The following ZNF723 variants were observed in gnomAD, a reference collection of about 807,000 sequenced individuals.
The protein encoded by ZNF723 is zinc finger protein 723, pseudogene.
A neutral mutation model predicts 9.4 loss-of-function variants in ZNF723; 5 were observed. That is an observed-to-expected ratio of 0.53 (90% CI 0.28 to 1.12). The LOEUF (loss-of-function observed/expected upper bound fraction) is 1.12, where lower values mean the gene tolerates loss of function less well. Among genes scored for constraint, ZNF723 ranks in the 50% most tolerant of loss-of-function variants. The pLI is 0.10. For missense variants in ZNF723, 450 were observed against 501.5 expected (o/e 0.90, Z 0.98); for synonymous variants, 158 against 168.8 (o/e 0.94, Z 0.49).
chr19:22,841,090 A>G (rs1365374836), intron 1 of ZNF723, among the ~76,000 whole-genome samples: 8 of 150,284 alleles, frequency 5.3e-5, no homozygotes, highest in African/African-American at 2.0e-4. Flanking sequence ...GCTCTAGCCC[A>G]GTGCTAAAGG....
upstream of ZNF723, among the ~76,000 whole-genome samples, chr19:22,827,796 C>T (rs1009559258): frequency 6.6e-5 from 10 of 151,600 alleles, no homozygotes; most frequent in East Asian, 4.0e-4. Context: ...TCTCCCAGGC[C>T]GGGCGTGGTG....
At chr19:22,828,303 T>A (rs1369149006), upstream of ZNF723, among the ~76,000 whole-genome samples, 2 of 152,132 alleles carry the variant, frequency 1.3e-5, no homozygotes, top group Non-Finnish European at 2.9e-5. Context: ...CACTAAGGCC[T>A]AGAGTTTTGG....
At chr19:22,832,482 C>T (rs543173213) in intron 1 of ZNF723, 100 bp downstream of exon 1, 4 of 1,204,606 alleles carry the variant, frequency 3.3e-6, no homozygotes, top group Non-Finnish European at 4.8e-6. Context: ...CTGTCAGCCC[C>T]ACAATCTGCG....
chr19:22,827,454 G>GTTTT (rs1458272422), upstream of ZNF723, among the ~76,000 whole-genome samples: 5 of 128,288 alleles, frequency 3.9e-5, no homozygotes, highest in African/African-American at 1.3e-4. Context: ...TTGTTTGTTT[G>GTTTT]TTTGTTTGTT....
upstream of ZNF723, among the ~76,000 whole-genome samples, chr19:22,828,353 G>A (rs772926898): frequency 2.0e-5 from 3 of 152,122 alleles, no homozygotes; most frequent in African/African-American, 7.2e-5. Flanking sequence ...CAAAAAGCCA[G>A]GGTTTTAAAA....
intron 3 of ZNF723, among the ~76,000 whole-genome samples, chr19:22,856,607 G>A (rs911997421): frequency 6.6e-6 from 1 of 152,070 alleles, no homozygotes; most frequent in Non-Finnish European, 1.5e-5. Context: ...CTGTGGTACT[G>A]CAGTTTCTCT....
chr19:22,825,933 T>C, the ZNF723 span, among the ~76,000 whole-genome samples: 1 of 152,220 alleles, frequency 6.6e-6, no homozygotes, highest in Admixed American at 6.5e-5. Context: ...ATAGAGCAAA[T>C]TACGACATAT....
At chr19:22,826,089 A>G in the ZNF723 span, among the ~76,000 whole-genome samples, 414 of 152,236 alleles carry the variant, frequency 2.7e-3, 3 homozygotes, top group African/African-American at 9.3e-3. Context: ...CTTGGATCAT[A>G]TCACTGGGCT....
intron 1 of ZNF723, among the ~76,000 whole-genome samples, chr19:22,841,490 G>A (rs188746449): frequency 6.6e-6 from 1 of 152,182 alleles, no homozygotes; most frequent in Admixed American, 6.5e-5. Flanking sequence ...GAGTTTTTCT[G>A]GGGCTGGAGA....
the ZNF723 span, among the ~76,000 whole-genome samples, chr19:22,816,319 G>A: frequency 6.6e-5 from 10 of 152,260 alleles, 1 homozygote; most frequent in Middle Eastern, 0.031. Context: ...AGTTGAAATT[G>A]AAAAATTGAT....
chr19:22,838,820 T>C (rs547494333), intron 1 of ZNF723, among the ~76,000 whole-genome samples: 1 of 152,256 alleles, frequency 6.6e-6, no homozygotes, highest in South Asian at 2.1e-4. Context: ...TGATCTCTGC[T>C]CACCGCAACC....
upstream of ZNF723, among the ~76,000 whole-genome samples, chr19:22,828,011 C>T (rs1281592460): frequency 2.0e-5 from 3 of 151,926 alleles, no homozygotes; most frequent in African/African-American, 7.3e-5. Context: ...ACCCGGGAGG[C>T]GGATGTTGCA....
chr19:22,830,247 T>C (rs389014), upstream of ZNF723, among the ~76,000 whole-genome samples: 56,480 of 152,106 alleles, frequency 0.37, 10,965 homozygotes, highest in African/African-American at 0.51. Context: ...TTATTTCTCA[T>C]TGTAGCCTTA....
chr19:22,813,122 C>T, the ZNF723 span, among the ~76,000 whole-genome samples: 8 of 152,138 alleles, frequency 5.3e-5, no homozygotes, highest in Non-Finnish European at 7.4e-5. Context: ...TACAGGCACC[C>T]GCCACCATGC....
At chr19:22,813,174 A>G in the ZNF723 span, among the ~76,000 whole-genome samples, 2 of 152,100 alleles carry the variant, frequency 1.3e-5, no homozygotes, top group Non-Finnish European at 2.9e-5. Context: ...GAGTTTCACC[A>G]TGTTGGCCAG....
intron 1 of ZNF723, among the ~76,000 whole-genome samples, chr19:22,844,540 G>A (rs1967284399): frequency 6.6e-6 from 1 of 152,152 alleles, no homozygotes; most frequent in Admixed American, 6.5e-5. Context: ...ACATACTCTT[G>A]AGCACATAGT....
At position 22,848,268 on chromosome 19, in the gene ZNF723, T is replaced by G; in HGVS notation, c.11T>G (p.Leu4Trp). 4 of 1,124,294 alleles carry G rather than the reference T, an allele frequency of 3.6e-6. No individual in the cohort carries two copies. Among genetic ancestry groups the G allele is most frequent in the Non-Finnish European group, 5.3e-6 (4 of 761,784 alleles). The allele number at this position is 1,124,294 out of a possible 1,614,324, so 69.6% of individuals were successfully genotyped here. MGP[L>W]TFTDVAIKFS... The stretch of plus-strand genomic sequence containing the variant: ...TGTGTGTTTTTTTTTCAGGGACCAT[T>G]GACATTCACAGATGTGGCAATAAAA... The change falls in exon 2 of 4, where the codon TTG becomes TGG. Residue 4 changes from leucine (L) to tryptophan (W), a missense_variant. Physicochemically the swap from Leu to Trp is moderately conservative, Grantham distance 61. This residue lies in a region of ZNF723 where 19 missense variants were observed against 20.1 expected (regional missense o/e 0.95). Transcript: ENST00000600766.
At chr19:22,833,927 T>C in intron 1 of ZNF723, among the ~76,000 whole-genome samples, 1 of 86,444 alleles carries the variant, frequency 1.2e-5, no homozygotes, top group Middle Eastern at 5.6e-3. Flanking sequence ...TTTAGCGTAC[T>C]TTTTTTTTTT....
At chr19:22,857,078 C>G in intron 3 of ZNF723, 40 bp from the exon 4 acceptor site, 2 of 717,758 alleles carry the variant, frequency 2.8e-6, no homozygotes, top group Non-Finnish European at 4.6e-6. Context: ...CCATCTGAGT[C>G]TAGTAAGATG....
Sources: gnomAD v4.1 joint callset for allele counts (sites outside exome capture counted in the v4.1 genomes callset) on GRCh38, gnomAD v4.1.1 for gene constraint, gnomAD v4.1.1 regional missense constraint, MANE v1.5 for transcripts, NCBI Gene and HGNC (gene_info 2026-07-23, HGNC 2026-07-21) for gene names.